Variants in DCDC2 observed in about 807,000 individuals in gnomAD.
DCDC2 encodes the protein doublecortin domain-containing protein 2.
DCDC2 carries 40 observed loss-of-function variants against 50.2 expected under a neutral mutation model. The observed-to-expected ratio is 0.80, with a 90% confidence interval of 0.62 to 1.04. DCDC2 has a LOEUF of 1.04. Among genes scored for constraint, DCDC2 ranks in the 50% least tolerant of loss-of-function variants. The pLI is 0.00. For synonymous variants in DCDC2, 234 were observed against 210.6 expected (o/e 1.11, Z -0.96); for missense variants, 570 against 581.9 (o/e 0.98, Z 0.21).
chr6:24,214,985 A>G (rs1800090638), intron 7 of DCDC2, among the ~76,000 whole-genome samples: 1 of 152,200 alleles, frequency 6.6e-6, no homozygotes, highest in South Asian at 2.1e-4. Context: ...CCACAGAAAG[A>G]TGAACAAGGC....
At chr6:24,187,658 T>C (rs1761235051) in intron 8 of DCDC2, among the ~76,000 whole-genome samples, 1 of 152,190 alleles carries the variant, frequency 6.6e-6, no homozygotes, top group Admixed American at 6.5e-5. Context: ...AAGGGCTTTT[T>C]GTTATTCATC....
chr6:24,340,450 G>C (rs1490229506), intron 2 of DCDC2, among the ~76,000 whole-genome samples: 2 of 152,080 alleles, frequency 1.3e-5, no homozygotes, highest in Admixed American at 1.3e-4. Flanking sequence ...AGTCAGTTGA[G>C]CCTTCATGCA....
At chr6:24,357,295 C>G (rs1389057481) in intron 1 of DCDC2, 163 bp downstream of exon 1, 1 of 773,216 alleles carries the variant, frequency 1.3e-6, no homozygotes, top group African/African-American at 1.7e-5. Context: ...GTGTCAACCT[C>G]TACCCCCCAA....
the DCDC2 span, among the ~76,000 whole-genome samples, chr6:24,376,883 C>A: frequency 2.7e-5 from 4 of 150,784 alleles, no homozygotes; most frequent in Non-Finnish European, 5.9e-5. Context: ...GATGCAACCA[C>A]ATACCTACTT....
chr6:24,190,543 A>G (rs900599249), intron 8 of DCDC2, among the ~76,000 whole-genome samples: 7 of 152,222 alleles, frequency 4.6e-5, no homozygotes, highest in Non-Finnish European at 8.8e-5. Flanking sequence ...ATATATTTAA[A>G]AAAAGAAAAA....
At chr6:24,229,623 A>T (rs1400412415) in intron 7 of DCDC2, among the ~76,000 whole-genome samples, 1 of 152,206 alleles carries the variant, frequency 6.6e-6, no homozygotes, top group Non-Finnish European at 1.5e-5. Context: ...TAAACTAGCC[A>T]GTCAAATAGA....
At chr6:24,364,454 T>G in the DCDC2 span, among the ~76,000 whole-genome samples, 1 of 152,130 alleles carries the variant, frequency 6.6e-6, no homozygotes, top group Non-Finnish European at 1.5e-5. Flanking sequence ...TTACAAATCT[T>G]CATATAATTA....
At chr6:24,175,749 T>C (rs1024633957) in intron 9 of DCDC2, among the ~76,000 whole-genome samples, 21 of 152,226 alleles carry the variant, frequency 1.4e-4, no homozygotes, top group African/African-American at 4.8e-4. Context: ...CAAGAATTGT[T>C]ACATGGAACA....
chr6:24,180,975 A>C (rs894381341), intron 8 of DCDC2, among the ~76,000 whole-genome samples: 1 of 152,214 alleles, frequency 6.6e-6, no homozygotes, highest in Non-Finnish European at 1.5e-5. Flanking sequence ...ATGATACCAA[A>C]TGTGTATTTT....
chr6:24,358,899 A>AATATAT (rs1760554364), upstream of DCDC2, among the ~76,000 whole-genome samples: 17 of 21,492 alleles, frequency 7.9e-4, no homozygotes, highest in African/African-American at 2.0e-3. Context: ...TTATATATAT[A>AATATAT]ATATATTATA....
At chr6:24,281,837 C>T (rs1763479830) in intron 6 of DCDC2, among the ~76,000 whole-genome samples, 1 of 152,136 alleles carries the variant, frequency 6.6e-6, no homozygotes, top group African/African-American at 2.4e-5. Context: ...TTACATGCTA[C>T]ATATACATTA....
chr6:24,301,221 A>T (rs187627413), intron 4 of DCDC2, among the ~76,000 whole-genome samples: 1 of 151,762 alleles, frequency 6.6e-6, no homozygotes, highest in Non-Finnish European at 1.5e-5. Context: ...AATACAAAAA[A>T]TTAGCCGGGC....
At chr6:24,350,127 G>C (rs551349845) in intron 2 of DCDC2, among the ~76,000 whole-genome samples, 22 of 149,912 alleles carry the variant, frequency 1.5e-4, no homozygotes, top group Non-Finnish European at 2.6e-4. Flanking sequence ...AGCATTGGCT[G>C]TCCTTAAGTA....
At position 24,290,858 on chromosome 6, in the gene DCDC2, G is replaced by A; in HGVS notation, c.704+74C>T. 4 of 1,256,726 alleles carry A rather than the reference G, an allele frequency of 3.2e-6. No homozygotes were observed. The East Asian group carries it at 9.5e-5, about 30-fold the overall frequency. The allele number at this position is 1,256,726 out of a possible 1,614,324, so 77.8% of individuals were successfully genotyped here. On this transcript the variant is annotated intron_variant, in intron 5 of 9. Coordinates refer to ENST00000378454, the MANE Select transcript of DCDC2 (RefSeq NM_016356.5). The stretch of plus-strand genomic sequence containing the variant: ...GATTATCAATTACATAAAATATAAT[G>A]GTGGTCAGCAAAAGACCCAATGCTA...
intron 7 of DCDC2, among the ~76,000 whole-genome samples, chr6:24,262,060 G>C (rs1056892209): frequency 1.3e-5 from 2 of 151,984 alleles, no homozygotes; most frequent in Non-Finnish European, 2.9e-5. Flanking sequence ...TTTTAACAGC[G>C]TATCAAGGAG....
rs535836803 is a variant in DCDC2 at position 24,253,836 on chromosome 6, T to C, written c.922+24213A>G. 2.0e-5 allele frequency among the ~76,000 whole-genome samples: 3 copies of C among 152,328 alleles called. No homozygotes were observed. The East Asian group carries it at 5.8e-4, about 29-fold the overall frequency. On this transcript the variant is annotated intron_variant, in intron 7 of 9. Transcript: ENST00000378454. ...TCCTAGGACATTACTGTAGACTTTATAAATGCTGTATACTTAGGCTACACT... is the reference window on the plus strand; with the variant it reads ...TCCTAGGACATTACTGTAGACTTTACAAATGCTGTATACTTAGGCTACACT...
At chr6:24,251,072 T>TA (rs1464993148) in intron 7 of DCDC2, among the ~76,000 whole-genome samples, 1 of 152,208 alleles carries the variant, frequency 6.6e-6, no homozygotes, top group East Asian at 1.9e-4. Flanking sequence ...TTAAAATTTG[T>TA]AAATTGTTGC....
At chr6:24,287,635 A>G (rs1255263983) in intron 6 of DCDC2, among the ~76,000 whole-genome samples, 1 of 152,220 alleles carries the variant, frequency 6.6e-6, no homozygotes, top group Non-Finnish European at 1.5e-5. Context: ...GCTTCTTCGC[A>G]TGCCCACGTC....
chr6:24,350,399 A>G (rs913195895), intron 2 of DCDC2, among the ~76,000 whole-genome samples: 5 of 152,234 alleles, frequency 3.3e-5, no homozygotes, highest in Non-Finnish European at 5.9e-5. Context: ...ACCCAGTGCC[A>G]CACACTCTGC....
Sources: gnomAD v4.1 joint callset for allele counts (sites outside exome capture counted in the v4.1 genomes callset) on GRCh38, gnomAD v4.1.1 for gene constraint, MANE v1.5 for transcripts, NCBI Gene and HGNC (gene_info 2026-07-23, HGNC 2026-07-21) for gene names.